The following SNX29 variants were observed in gnomAD, a reference collection of about 807,000 sequenced individuals.
The protein encoded by SNX29 is sorting nexin-29.
In SNX29, 78 loss-of-function variants were observed where a neutral mutation model predicts 102.1. That is an observed-to-expected ratio of 0.76 (90% CI 0.64 to 0.92). SNX29 has a LOEUF of 0.92. SNX29 is among the 40% of genes least tolerant of loss of function. The pLI, the probability that SNX29 is intolerant of heterozygous loss-of-function variation, is 0.00. For synonymous variants in SNX29, 580 were observed against 414.5 expected, an observed-to-expected ratio of 1.40 and a Z score of -4.85; for missense variants, 1,280 against 1,061.7, an observed-to-expected ratio of 1.21 and a Z score of -2.86.
chr16:12,269,985 C>A (rs996224745), intron 14 of SNX29, among the ~76,000 whole-genome samples: 3 of 151,952 alleles, frequency 2.0e-5, no homozygotes, highest in East Asian at 3.9e-4. Context: ...CTCAGCCTTC[C>A]GAGTAGCTGG....
intron 16 of SNX29, among the ~76,000 whole-genome samples, chr16:12,371,829 C>G (rs902649938): frequency 6.6e-6 from 1 of 152,196 alleles, no homozygotes; most frequent in African/African-American, 2.4e-5. Flanking sequence ...CAGGACCTGA[C>G]TCTCGCCTTC....
chr16:12,188,720 C>T (rs758358367), intron 13 of SNX29, among the ~76,000 whole-genome samples: 1 of 152,094 alleles, frequency 6.6e-6, no homozygotes, highest in Non-Finnish European at 1.5e-5. Flanking sequence ...GGAGAGAGCA[C>T]TAAAAATCAA....
At chr16:12,247,636 C>G (rs1016790358) in intron 14 of SNX29, among the ~76,000 whole-genome samples, 1 of 152,176 alleles carries the variant, frequency 6.6e-6, no homozygotes, top group African/African-American at 2.4e-5. Flanking sequence ...GCCTGCATTT[C>G]GTAGTGGCAT....
At chr16:12,422,336 G>A (rs2084906245) in intron 18 of SNX29, among the ~76,000 whole-genome samples, 1 of 152,206 alleles carries the variant, frequency 6.6e-6, no homozygotes, top group Non-Finnish European at 1.5e-5. Context: ...GAAAGGCTCA[G>A]TAAATAGCCA....
intron 11 of SNX29, chr16:12,081,239 C>T (rs1310103172): frequency 1.3e-5 from 2 of 152,162 alleles, no homozygotes; most frequent in East Asian, 3.9e-4. Flanking sequence ...CGGCCTGTGG[C>T]AAGTATCTCA....
At chr16:12,078,725 C>T in intron 10 of SNX29, 108 bp from the exon 11 acceptor site, 2 of 890,294 alleles carry the variant, frequency 2.2e-6, no homozygotes, top group East Asian at 2.6e-5. Flanking sequence ...GCCTCTATCC[C>T]TTCTAGTAGA....
intron 15 of SNX29, among the ~76,000 whole-genome samples, chr16:12,298,731 T>A (rs2080063239): frequency 6.6e-6 from 1 of 152,146 alleles, no homozygotes; most frequent in Non-Finnish European, 1.5e-5. Flanking sequence ...ACCCTTGCTG[T>A]CTCTCACCGG....
At chr16:12,430,011 C>T (rs150682565) in intron 18 of SNX29, among the ~76,000 whole-genome samples, 60 of 152,292 alleles carry the variant, frequency 3.9e-4, no homozygotes, top group African/African-American at 1.3e-3. Flanking sequence ...GGAGGTGAGC[C>T]GTGGGCCAGC....
At chr16:12,046,335 A>G in intron 5 of SNX29, 49 bp from the exon 6 acceptor site, 1 of 1,594,068 alleles carries the variant, frequency 6.3e-7, no homozygotes, top group Non-Finnish European at 8.6e-7. Context: ...GTTAATGGAC[A>G]CAGAGAACCA....
At chr16:12,391,987 C>T (rs577978452) in intron 16 of SNX29, among the ~76,000 whole-genome samples, 2 of 152,254 alleles carry the variant, frequency 1.3e-5, no homozygotes, top group African/African-American at 2.4e-5. Context: ...TCCTCTGACG[C>T]TTGCTTCTCA....
chr16:12,421,006 G>A (rs577780240), intron 18 of SNX29, among the ~76,000 whole-genome samples: 2 of 152,314 alleles, frequency 1.3e-5, no homozygotes, highest in South Asian at 2.1e-4. Flanking sequence ...TACTTTTTCT[G>A]CGATACCTCA....
chr16:12,193,314 A>G (rs1425349233), intron 13 of SNX29, among the ~76,000 whole-genome samples: 1 of 152,080 alleles, frequency 6.6e-6, no homozygotes, highest in Non-Finnish European at 1.5e-5. Flanking sequence ...TACTGAAAAT[A>G]AAACAATTAG....
At chr16:12,547,689 C>CCAACTCT in intron 20 of SNX29, among the ~76,000 whole-genome samples, 1 of 152,244 alleles carries the variant, frequency 6.6e-6, no homozygotes. Context: ...ACCTGGCCCC[C>CCAACTCT]GCGTTCCTGT....
intron 13 of SNX29, among the ~76,000 whole-genome samples, chr16:12,173,216 A>G (rs191030198): frequency 1.9e-3 from 293 of 152,324 alleles, no homozygotes; most frequent in Admixed American, 3.5e-3. Context: ...TAGCTATTAG[A>G]TAAAAGTGGG....
intron 20 of SNX29, among the ~76,000 whole-genome samples, chr16:12,554,073 A>G (rs1467183458): frequency 1.3e-5 from 2 of 152,080 alleles, no homozygotes; most frequent in Non-Finnish European, 2.9e-5. Flanking sequence ...TGATCCTCTC[A>G]CCTTGGCCTC....
At position 12,557,900 on chromosome 16, in the gene SNX29, G is replaced by A. The variant is rs923035661; in HGVS notation, c.2319-10606G>A. 7.2e-5 allele frequency among the ~76,000 whole-genome samples: 11 copies of A among 152,154 alleles called. No homozygotes were observed. The East Asian group carries it at 7.7e-4, about 11-fold the overall frequency. Reference sequence around the variant, plus strand: ...GGAGGGCCTCTGCAGGCAACTGGAGGATTCTCAAGTCGTCAGGGCAGGCAG... The same window carrying A: ...GGAGGGCCTCTGCAGGCAACTGGAGAATTCTCAAGTCGTCAGGGCAGGCAG... On this transcript the variant is annotated intron_variant, in intron 20 of 20. Coordinates refer to ENST00000566228, the MANE Select transcript of SNX29 (RefSeq NM_032167.5).
chr16:12,396,910 TTTC>T (rs546357075), intron 16 of SNX29, among the ~76,000 whole-genome samples: 68 of 152,334 alleles, frequency 4.5e-4, no homozygotes, highest in African/African-American at 1.6e-3. Context: ...TTCTCTTAAC[TTTC>T]TTTATTTTTT....
intron 1 of SNX29, among the ~76,000 whole-genome samples, chr16:11,998,683 A>G (rs780949025): frequency 1.3e-5 from 2 of 152,198 alleles, no homozygotes; most frequent in South Asian, 2.1e-4. Flanking sequence ...TCTTCTTTCT[A>G]TCAGAAATGA....
chr16:12,119,743 T>A (rs1032646865), intron 11 of SNX29, among the ~76,000 whole-genome samples: 5 of 152,230 alleles, frequency 3.3e-5, no homozygotes, highest in African/African-American at 1.2e-4. Context: ...TCAAGCAAGC[T>A]GGACCAGGTG....
Sources: allele counts gnomAD v4.1 joint callset (sites outside exome capture counted in the v4.1 genomes callset), GRCh38; gene constraint gnomAD v4.1.1; transcripts MANE v1.5; gene names NCBI Gene and HGNC (gene_info 2026-07-23, HGNC 2026-07-21).